The following FAM161B variants were observed in gnomAD, a reference collection of about 807,000 sequenced individuals.
FAM161B encodes the protein FAM161 centrosomal protein B.
FAM161B carries 46 observed loss-of-function variants against 61.5 expected under a neutral mutation model. The observed-to-expected ratio is 0.75, with a 90% CI of 0.59 to 0.96. The LOEUF is 0.96. Ranked by LOEUF, FAM161B falls within the 40% of genes least tolerant of loss-of-function variation. The pLI, the probability that FAM161B is intolerant of heterozygous loss-of-function variation, is 0.00. For missense variants in FAM161B, 774 were observed against 800.7 expected (o/e 0.97, Z 0.40); for synonymous variants, 284 against 302.7 (o/e 0.94, Z 0.64).
chr14:73,949,856 C>T (rs575309217), intron 1 of FAM161B, 117 bp downstream of exon 1: 161 of 1,439,348 alleles, frequency 1.1e-4, no homozygotes, highest in South Asian at 6.0e-4. Context: ...TCCCTAAACG[C>T]TCATTTTAAT....
the FAM161B span, among the ~76,000 whole-genome samples, chr14:73,924,488 A>G: frequency 6.6e-6 from 1 of 152,320 alleles, no homozygotes; most frequent in South Asian, 2.1e-4. Context: ...GCTTTGACTC[A>G]GGAAACAGAA....
intron 5 of FAM161B, 66 bp from the exon 6 acceptor site, chr14:73,938,178 G>A (rs2055987062): frequency 1.7e-5 from 27 of 1,572,858 alleles, no homozygotes; most frequent in Non-Finnish European, 2.3e-5. Context: ...GCAATCTTAG[G>A]CCAGGTGTGG....
chr14:73,939,950 G>A (rs2056003330), intron 5 of FAM161B, among the ~76,000 whole-genome samples: 1 of 152,174 alleles, frequency 6.6e-6, no homozygotes, highest in Non-Finnish European at 1.5e-5. Context: ...GTGTTCTTGG[G>A]CCCTCAGGAT....
At chr14:73,940,900 G>T in intron 5 of FAM161B, 26 bp downstream of exon 5, 1 of 1,588,074 alleles carries the variant, frequency 6.3e-7, no homozygotes, top group South Asian at 1.1e-5. Context: ...ATCAGAGCAT[G>T]GGTCTCGTGC....
rs1392265238 is a variant in FAM161B, at chr14:73,942,577, A to G, written c.1064T>C (p.Leu355Pro). The G allele has an allele frequency of 4.3e-6, 7 of 1,614,200 alleles. No homozygotes were observed. The highest frequency in any genetic ancestry group is 5.9e-6 in the Non-Finnish European group (7 of 1,180,034). The change falls in exon 4 of 9, where the codon CTT becomes CCT. Residue 355 changes from leucine to proline, a missense_variant. By Grantham distance (98) the Leu-to-Pro change is moderately conservative (BLOSUM62 -3). Coordinates refer to ENST00000286544, the MANE Select transcript of FAM161B (RefSeq NM_152445.3). ...TCTGAAGTTAGTGTGCAGAAACCCAAGCTTTTCCTGCTGGGTTCGGGTGGC... is the reference window on the plus strand; with the variant it reads ...TCTGAAGTTAGTGTGCAGAAACCCAGGCTTTTCCTGCTGGGTTCGGGTGGC... ...RTATRTQQEK[L>P]GFLHTNFRFQ...
chr14:73,937,670 T>G lies in FAM161B; in HGVS notation c.1597A>C (p.Lys533Gln). Residue 533 changes from lysine (K) to glutamine (Q), a missense_variant, in exon 7 of 9, where the codon AAG (lysine) becomes CAG (glutamine). Physicochemically the swap from Lys to Gln is moderately conservative, Grantham distance 53 (BLOSUM62 1). Transcript: ENST00000286544. ...NNDRKRAKEY[K>Q]KELEEMKQRI... ...TGCTTCATTTCCTCCAGTTCTTTCTTATATTCTTTCGCTCTTTTACGGTCA... is the reference window on the plus strand; with the variant it reads ...TGCTTCATTTCCTCCAGTTCTTTCTGATATTCTTTCGCTCTTTTACGGTCA... 6.2e-7 allele frequency: 1 copy of G among 1,614,162 alleles called. No homozygotes were observed. The highest frequency in any genetic ancestry group is 8.5e-7 in the Non-Finnish European group (1 of 1,180,038).
intron 5 of FAM161B, among the ~76,000 whole-genome samples, chr14:73,938,696 T>C (rs958648890): frequency 2.0e-5 from 3 of 149,678 alleles, no homozygotes; most frequent in East Asian, 2.0e-4. Flanking sequence ...GGCATGAACC[T>C]GGGAGGCGGA....
At chr14:73,943,314 T>A (rs1566675215) in intron 3 of FAM161B, among the ~76,000 whole-genome samples, 2 of 152,162 alleles carry the variant, frequency 1.3e-5, no homozygotes, top group African/African-American at 4.8e-5. Flanking sequence ...TGGCTCAACA[T>A]CCCTCCAGTC....
downstream of FAM161B, among the ~76,000 whole-genome samples, chr14:73,927,396 T>C (rs1175925649): frequency 6.6e-6 from 1 of 152,178 alleles, no homozygotes; most frequent in Non-Finnish European, 1.5e-5. Context: ...GATTCTTTTA[T>C]ACAAGAAATA....
Position 73,944,754 on chromosome 14 carries a change from A to G in FAM161B, c.506T>C (p.Ile169Thr), listed in dbSNP as rs769221686. The change falls in exon 3 of 9, where the codon ATT becomes ACT. Residue 169 changes from isoleucine to threonine, a missense_variant. By Grantham distance (89) the Ile-to-Thr change is moderately conservative. Transcript: ENST00000286544. ...HRSVSSWASS[I>T]TVPRPFRMTL... ...CATGCGGAATGGCCGAGGGACAGTA[A>G]TGGATGATGCCCAGGAGCTGACGCT... 15 of 1,596,958 alleles carry G rather than the reference A, an allele frequency of 9.4e-6. No individual in the cohort carries two copies. In the South Asian group the frequency reaches 1.7e-4, roughly 18 times the overall value.
At chr14:73,938,206 C>G (rs1275066167) in intron 5 of FAM161B, 94 bp from the exon 6 acceptor site, 1 of 1,464,568 alleles carries the variant, frequency 6.8e-7, no homozygotes, top group Middle Eastern at 1.8e-4. Context: ...CACTTGTAGT[C>G]CTAGCACTTT....
In FAM161B at chr14:73,932,669, G is replaced by A. The variant is rs752204069; in HGVS notation, c.*1587C>T. On this transcript the variant is annotated 3_prime_UTR_variant, in exon 9 of 9. Coordinates refer to ENST00000286544, the MANE Select transcript of FAM161B (RefSeq NM_152445.3). The stretch of plus-strand genomic sequence containing the variant: ...AGATGGGGTCTTGCTCTGTCACCCA[G>A]GCTGGAGTGCAGTAGTGTAATCATA... 1 of 363,182 alleles carries A rather than the reference G, an allele frequency of 2.8e-6. No homozygotes were observed. The highest frequency in any genetic ancestry group is 5.3e-6 in the Non-Finnish European group (1 of 188,184). 22.5% of individuals were successfully genotyped at this position (363,182 alleles called of 1,614,324 possible).
intron 1 of FAM161B, among the ~76,000 whole-genome samples, chr14:73,948,043 G>A (rs2056081269): frequency 6.6e-6 from 1 of 152,074 alleles, no homozygotes; most frequent in Non-Finnish European, 1.5e-5. Context: ...TCCCACCTCA[G>A]CCTCCCGAGT....
chr14:73,946,569 CT>C lies in FAM161B; in HGVS notation c.90del (p.Gly31GlufsTer27). 6.2e-7 allele frequency: 1 copy of C among 1,614,136 alleles called. No individual in the cohort carries two copies. Among genetic ancestry groups the C allele is most frequent in the South Asian group, 1.1e-5 (1 of 91,082 alleles). ...AGCCCATCCCCGGACAGCTCCTCTC[CT>C]GCCTCTGTGTCTGCGAAGGACTCGG... ...FPPESFADTE[A>X]GEELSGDGLV... On this transcript the variant is annotated frameshift_variant, in exon 2 of 9. Transcript: ENST00000286544. LOFTEE classifies it high-confidence loss of function.
In FAM161B at chr14:73,944,844, G is replaced by A. The variant is rs1377550692; in HGVS notation, c.416C>T (p.Pro139Leu). Residue 139 changes from proline to leucine, a missense_variant, in exon 3 of 9, where the codon CCC becomes CTC. Physicochemically the swap from Pro to Leu is moderately conservative, Grantham distance 98. Transcript: ENST00000286544. ...GGTCTGAGGCCTGGGAATGTTGGAG[G>A]GAAGGTTGTTCAGGGAGCTGCAGCG... ...TRRCSSLNNL[P>L]SNIPRPQTQP... 2.6e-6 allele frequency: 4 copies of A among 1,531,638 alleles called. No individual in the cohort carries two copies. Among genetic ancestry groups the A allele is most frequent in the Admixed American group, 4.3e-5 (2 of 46,536 alleles). The allele number at this position is 1,531,638 out of a possible 1,614,324, so 94.9% of individuals were successfully genotyped here.
chr14:73,933,657 T>C lies in FAM161B; in HGVS notation c.*599A>G, dbSNP rs1414454946. ...TGTCTACACCCACTCCATGGACGCA[T>C]TTATGTTTCTGCACTAGCCCCTTAT... On this transcript the variant is annotated 3_prime_UTR_variant, in exon 9 of 9. Transcript: ENST00000286544. 6.6e-6 allele frequency: 1 copy of C among 152,338 alleles called. No homozygotes were observed. The highest frequency in any genetic ancestry group is 1.5e-5 in the Non-Finnish European group (1 of 68,152). The allele number at this position is 152,338 out of a possible 1,614,324, so 9.4% of individuals were successfully genotyped here.
rs2056030906 is a variant in FAM161B at position 73,942,727 on chromosome 14, G to C, written c.926-12C>G. ...GAAGAGCTCAGCTTCTGTGGAGAAA[G>C]GATGGTGATGGGTAAGAAAGGACCA... is the stretch of plus-strand genomic sequence containing the variant. On this transcript the variant is annotated splice_polypyrimidine_tract_variant and intron_variant, in intron 3 of 8. Coordinates refer to ENST00000286544, the MANE Select transcript of FAM161B (RefSeq NM_152445.3). 6.2e-7 allele frequency: 1 copy of C among 1,605,810 alleles called. No individual in the cohort carries two copies. The highest frequency in any genetic ancestry group is 8.5e-7 in the Non-Finnish European group (1 of 1,174,520).
downstream of FAM161B, among the ~76,000 whole-genome samples, chr14:73,931,236 TAACTACACA>T (rs925425555): frequency 5.3e-5 from 8 of 152,150 alleles, no homozygotes; most frequent in African/African-American, 1.9e-4. Flanking sequence ...GATGAGTAGG[TAACTACACA>T]AACAATAGTT....
chr14:73,923,460 A>G, the FAM161B span: 1 of 1,614,034 alleles, frequency 6.2e-7, no homozygotes, highest in Non-Finnish European at 8.5e-7. Context: ...TCACCTGGTG[A>G]CCATGCAGTC....
Sources: allele counts gnomAD v4.1 joint callset (sites outside exome capture counted in the v4.1 genomes callset), GRCh38; gene constraint gnomAD v4.1.1; transcripts MANE v1.5; gene names NCBI Gene and HGNC (gene_info 2026-07-23, HGNC 2026-07-21).